DIS3L: variants seen among roughly 807,000 people sequenced by gnomAD.
DIS3L encodes the protein DIS3-like exonuclease 1.
In DIS3L, 100 loss-of-function variants were observed where a neutral mutation model predicts 120.3. The observed-to-expected ratio is 0.83, with a 90% CI of 0.71 to 0.98. The LOEUF is 0.98. Among genes scored for constraint, DIS3L ranks in the 50% least tolerant of loss-of-function variants. DIS3L has a pLI of 0.00. For synonymous variants in DIS3L, 426 were observed against 470.6 expected (o/e 0.91, Z 1.23); for missense variants, 1,196 against 1,314.2 (o/e 0.91, Z 1.39).
Position 66,333,416 on chromosome 15 carries a change from G to T in DIS3L, c.*104G>T, listed in dbSNP as rs1441493566. 9 of 1,265,908 alleles carry T rather than the reference G, an allele frequency of 7.1e-6. No individual in the cohort carries two copies. Among genetic ancestry groups the T allele is most frequent in the Non-Finnish European group, 9.8e-6 (9 of 921,502 alleles). The allele number at this position is 1,265,908 out of a possible 1,614,324, so 78.4% of individuals were successfully genotyped here. The stretch of plus-strand genomic sequence containing the variant: ...TCAGTGCTCTAGTCGATCAGGACTG[G>T]GTAGCTATTTCGCATATATGTAAAA... On this transcript the variant is annotated 3_prime_UTR_variant, in exon 17 of 17. Coordinates refer to ENST00000319212, the MANE Select transcript of DIS3L (RefSeq NM_001143688.3).
In DIS3L at chr15:66,325,884, A is replaced by T. The variant is rs2092930495; in HGVS notation, c.1721A>T (p.Lys574Ile). The T allele has an allele frequency of 6.2e-7, 1 of 1,613,538 alleles. No homozygotes were observed. Among genetic ancestry groups the T allele is most frequent in the African/African-American group, 1.3e-5 (1 of 75,048 alleles). ...ELDKASYEIK[K>I]VWYGRTIIRS... ...GATAAAGCCTCTTATGAAATTAAGA[A>T]AGTGTGGTATGGCAGAACCATTATT... The change falls in exon 12 of 17, where the codon AAA becomes ATA. Residue 574 changes from lysine (K) to isoleucine (I), a missense_variant. Lys to Ile is a moderately radical substitution (Grantham distance 102). Transcript: ENST00000319212.
chr15:66,304,850 G>A (rs147864813), intron 2 of DIS3L, among the ~76,000 whole-genome samples: 38,798 of 139,204 alleles, frequency 0.28, 5,643 homozygotes, highest in South Asian at 0.34. Flanking sequence ...GCAGTGAGCC[G>A]AGATCGTGCC....
intron 4 of DIS3L, among the ~76,000 whole-genome samples, chr15:66,311,258 G>A (rs2092758270): frequency 6.6e-6 from 1 of 152,048 alleles, no homozygotes. Context: ...AGCCACTTGG[G>A]GGGCTGAGGT....
At position 66,329,050 on chromosome 15, in the gene DIS3L, T is replaced by C. The variant is rs956441172; in HGVS notation, c.2282T>C (p.Met761Thr). The C allele has an allele frequency of 1.9e-6, 3 of 1,614,136 alleles. No homozygotes were observed. In the African/African-American group the frequency reaches 4.0e-5, roughly 22 times the overall value. The change falls in exon 13 of 17, where the codon ATG becomes ACG. Residue 761 changes from methionine (M) to threonine (T), a missense_variant. By Grantham distance (81) the Met-to-Thr change is moderately conservative. Coordinates refer to ENST00000319212, the MANE Select transcript of DIS3L (RefSeq NM_001143688.3). ...DPIVNRLLRS[M>T]ATQAMSNALY... The stretch of plus-strand genomic sequence containing the variant: ...ATTGTGAACAGGCTACTGCGCTCCA[T>C]GGCCACGCAGGCCATGTCGAATGCT...
intron 8 of DIS3L, among the ~76,000 whole-genome samples, chr15:66,320,223 A>C (rs1251698639): frequency 6.6e-6 from 1 of 152,194 alleles, no homozygotes; most frequent in African/African-American, 2.4e-5. Flanking sequence ...AATTTGGAGC[A>C]TGCATAATTG....
At chr15:66,328,920 T>C (rs1196414155) in intron 12 of DIS3L, 50 bp from the exon 13 acceptor site, 1 of 1,575,196 alleles carries the variant, frequency 6.3e-7, no homozygotes, top group Non-Finnish European at 8.6e-7. Flanking sequence ...AAGTGTTGTC[T>C]TGTAAATTAC....
Position 66,303,092 on chromosome 15 carries a change from T to C in DIS3L, c.294-3732T>C, listed in dbSNP as rs561055032. 3.9e-5 allele frequency among the ~76,000 whole-genome samples: 6 copies of C among 152,346 alleles called. No homozygotes were observed. In the South Asian group the frequency reaches 1.2e-3, roughly 32 times the overall value. On this transcript the variant is annotated intron_variant, in intron 2 of 16. Transcript: ENST00000319212. ...TGTTTGTCCTTTTGTGAGTGGCTTA[T>C]TTCACTCTGCATAATGTGTCAGGGT...
chr15:66,301,312 G>A (rs901472739), intron 2 of DIS3L, among the ~76,000 whole-genome samples: 3 of 151,554 alleles, frequency 2.0e-5, no homozygotes, highest in African/African-American at 7.3e-5. Context: ...AAGGAGTCTC[G>A]CTCTGTCACC....
intron 2 of DIS3L, among the ~76,000 whole-genome samples, chr15:66,303,730 G>A (rs911241892): frequency 1.3e-5 from 2 of 152,206 alleles, no homozygotes; most frequent in South Asian, 2.1e-4. Flanking sequence ...ACAAATAAGT[G>A]CTCATTCTTA....
Position 66,306,900 on chromosome 15 carries a change from T to C in DIS3L, c.370T>C (p.Cys124Arg), listed in dbSNP as rs781444531. The change falls in exon 3 of 17, where the codon TGC (cysteine) becomes CGC (arginine). Residue 124 changes from cysteine to arginine, a missense_variant. Physicochemically the swap from Cys to Arg is radical, Grantham distance 180. Coordinates refer to ENST00000319212, the MANE Select transcript of DIS3L (RefSeq NM_001143688.3). Reference sequence around the variant, plus strand: ...TCTCTTTGCTAATGAATTCCAGCAATGCTGCTATCTGCCACGGGAAAGAGG... The same window carrying C: ...TCTCTTTGCTAATGAATTCCAGCAACGCTGCTATCTGCCACGGGAAAGAGG... ...CILFANEFQQ[C>R]CYLPRERGES... 6 of 1,614,086 alleles carry C rather than the reference T, an allele frequency of 3.7e-6. No homozygotes were observed. The highest frequency in any genetic ancestry group is 5.1e-6 in the Non-Finnish European group (6 of 1,180,038).
intron 12 of DIS3L, 121 bp downstream of exon 12, chr15:66,326,485 C>T (rs2092939783): frequency 2.6e-6 from 3 of 1,132,156 alleles, no homozygotes; most frequent in Non-Finnish European, 3.7e-6. Flanking sequence ...AGATTCTTGG[C>T]TCTCCTCATT....
rs901925869 is a variant in DIS3L at position 66,315,107 on chromosome 15, G to C, written c.886G>C (p.Val296Leu). The change falls in exon 7 of 17, where the codon GTG becomes CTG. Residue 296 changes from valine (V) to leucine (L), a missense_variant. Val to Leu is a conservative substitution (Grantham distance 32). Transcript: ENST00000319212. ...NRSIHGDVVVVELLPKNEWKG... is the reference protein window; with the variant it reads ...NRSIHGDVVVLELLPKNEWKG... ...CTCAATTCATGGAGATGTGGTAGTT[G>C]TGGAGCTGCTTCCTAAAAATGAATG... 1 of 1,614,076 alleles carries C rather than the reference G, an allele frequency of 6.2e-7. No homozygotes were observed. Among genetic ancestry groups the C allele is most frequent in the Admixed American group, 1.7e-5 (1 of 60,018 alleles).
At chr15:66,328,270 C>G (rs2092959423) in intron 12 of DIS3L, among the ~76,000 whole-genome samples, 1 of 152,212 alleles carries the variant, frequency 6.6e-6, no homozygotes, top group African/African-American at 2.4e-5. Flanking sequence ...CACCTTGCCT[C>G]TCTGTTCATC....
intron 1 of DIS3L, 146 bp downstream of exon 1, chr15:66,293,881 C>T (rs1327741150): frequency 1.0e-6 from 1 of 1,004,082 alleles, no homozygotes; most frequent in Non-Finnish European, 1.2e-6. Flanking sequence ...CGGCCTCACC[C>T]CCCGGCTCTC....
Position 66,329,059 on chromosome 15 carries a change from A to G in DIS3L, c.2291A>G (p.Gln764Arg). Residue 764 changes from glutamine to arginine, a missense_variant, in exon 13 of 17, where the codon CAG becomes CGG. By Grantham distance (43) the Gln-to-Arg change is conservative. Coordinates refer to ENST00000319212, the MANE Select transcript of DIS3L (RefSeq NM_001143688.3). ...AGGCTACTGCGCTCCATGGCCACGC[A>G]GGCCATGTCGAATGCTCTGTACTTC... The part of the protein sequence containing the change: ...VNRLLRSMAT[Q>R]AMSNALYFST... 6.2e-7 allele frequency: 1 copy of G among 1,614,240 alleles called. No homozygotes were observed. Among genetic ancestry groups the G allele is most frequent in the Non-Finnish European group, 8.5e-7 (1 of 1,180,034 alleles).
In DIS3L at chr15:66,317,344, GGA is replaced by G. The variant is rs767743105; in HGVS notation, c.995-1104_995-1103del. 9.2e-4 allele frequency among the ~76,000 whole-genome samples: 73 copies of G among 79,056 alleles called. 1 individual carries two copies. The highest frequency in any genetic ancestry group is 2.6e-3 in the African/African-American group (49 of 18,844). The allele number at this position is 79,056 out of a possible 152,430, so 51.9% of individuals were successfully genotyped here. On this transcript the variant is annotated intron_variant, in intron 7 of 16. Coordinates refer to ENST00000319212, the MANE Select transcript of DIS3L (RefSeq NM_001143688.3). ...GGTTGGAGCTCAGTAAATATTTGTG[GGA>G]AAAAAAAAAAAAAAAAGAAAAAAGA... is the stretch of plus-strand genomic sequence containing the variant.
chr15:66,298,043 G>A (rs1032059763), intron 2 of DIS3L, among the ~76,000 whole-genome samples: 1 of 152,052 alleles, frequency 6.6e-6, no homozygotes, highest in African/African-American at 2.4e-5. Context: ...GCGAGATGAC[G>A]TGGCGCATGC....
Position 66,322,754 on chromosome 15 carries a change from G to A in DIS3L, c.1394G>A (p.Arg465His), listed in dbSNP as rs201473278. The part of the protein sequence containing the change: ...WKVSPEEEQK[R>H]KDLRKSHLVF... ...GTGAGTCCTGAAGAGGAACAAAAACGTAAAGACTTGAGGAAAAGCCATCTC... is the reference window on the plus strand; with the variant it reads ...GTGAGTCCTGAAGAGGAACAAAAACATAAAGACTTGAGGAAAAGCCATCTC... Residue 465 changes from arginine to histidine, a missense_variant, in exon 10 of 17, where the codon CGT (arginine) becomes CAT (histidine). Arg to His is a conservative substitution (Grantham distance 29). Transcript: ENST00000319212. 59 of 1,614,004 alleles carry A rather than the reference G, an allele frequency of 3.7e-5. No homozygotes were observed. The highest frequency in any genetic ancestry group is 4.2e-5 in the Non-Finnish European group (50 of 1,180,046).
chr15:66,301,570 C>T (rs2092648701), intron 2 of DIS3L, among the ~76,000 whole-genome samples: 1 of 152,126 alleles, frequency 6.6e-6, no homozygotes, highest in Non-Finnish European at 1.5e-5. Flanking sequence ...CATGAGCCAC[C>T]ACACCTGACC....
Sources: allele counts gnomAD v4.1 joint callset (sites outside exome capture counted in the v4.1 genomes callset), GRCh38; gene constraint gnomAD v4.1.1; transcripts MANE v1.5; gene names NCBI Gene and HGNC (gene_info 2026-07-23, HGNC 2026-07-21).